The following TENT4B variants were observed in gnomAD, a reference collection of about 807,000 sequenced individuals.
TENT4B encodes the protein PAP associated domain containing 5.
A neutral mutation model predicts 75.0 loss-of-function variants in TENT4B; 10 were observed. The ratio of observed to expected loss-of-function variants is 0.13; its 90% CI spans 0.08 to 0.23. The LOEUF is 0.23. Among genes scored for constraint, TENT4B ranks in the 10% least tolerant of loss-of-function variants. The pLI, the probability that TENT4B is intolerant of heterozygous loss-of-function variation, is 1.00. For synonymous variants in TENT4B, 350 were observed against 357.7 expected (o/e 0.98, Z 0.24); for missense variants, 579 against 893.8 (o/e 0.65, Z 4.49).
At chr16:50,159,196 C>G (rs1022626873) in intron 1 of TENT4B, among the ~76,000 whole-genome samples, 1 of 151,680 alleles carries the variant, frequency 6.6e-6, no homozygotes, top group Non-Finnish European at 1.5e-5. Context: ...ATATCTGCTT[C>G]TCTTTCTCTC....
In TENT4B at chr16:50,226,718, A is replaced by AT. The variant is rs796131144; in HGVS notation, c.1801-1112dup. ...GGCGTGAGCCACCACGCCTGGCCAAATTTTTTTTTAGTTGAGATATAGTTA... is the reference window on the plus strand; with the variant it reads ...GGCGTGAGCCACCACGCCTGGCCAAATTTTTTTTTTAGTTGAGATATAGTTA... On this transcript the variant is annotated intron_variant, in intron 10 of 11. Coordinates refer to ENST00000561678, the MANE Select transcript of TENT4B (RefSeq NM_001365324.3). Among the ~76,000 whole-genome samples the AT allele has an allele frequency of 6.2e-3, 943 of 151,760 alleles. 12 individuals carry two copies. Among genetic ancestry groups the AT allele is most frequent in the African/African-American group, 0.021 (872 of 41,458 alleles).
chr16:50,199,543 G>A (rs1404573269), intron 1 of TENT4B, among the ~76,000 whole-genome samples: 1 of 152,174 alleles, frequency 6.6e-6, no homozygotes, highest in Non-Finnish European at 1.5e-5. Flanking sequence ...CCTCCCCTTA[G>A]CCCCTGGCAA....
At chr16:50,226,552 C>T (rs2032064819) in intron 10 of TENT4B, among the ~76,000 whole-genome samples, 4 of 152,106 alleles carry the variant, frequency 2.6e-5, no homozygotes, top group Admixed American at 2.0e-4. Context: ...CCTCAGCCTC[C>T]CAAGTAGCTG....
intron 10 of TENT4B, among the ~76,000 whole-genome samples, chr16:50,225,961 C>T (rs1170351561): frequency 6.6e-6 from 1 of 151,892 alleles, no homozygotes; most frequent in Non-Finnish European, 1.5e-5. Context: ...GGATTACAGG[C>T]ATGAGCCACC....
intron 5 of TENT4B, among the ~76,000 whole-genome samples, chr16:50,220,246 C>G (rs749909379): frequency 2.0e-4 from 30 of 152,224 alleles, no homozygotes; most frequent in Admixed American, 5.9e-4. Context: ...CCTCAGCCTC[C>G]CGCAGTGCTG....
At chr16:50,210,393 C>T (rs1051152354) in intron 1 of TENT4B, among the ~76,000 whole-genome samples, 2 of 152,208 alleles carry the variant, frequency 1.3e-5, no homozygotes, top group Non-Finnish European at 2.9e-5. Context: ...CTTAGCCCCC[C>T]ACCACCATGA....
At chr16:50,228,830 G>A (rs1241034867) in intron 11 of TENT4B, among the ~76,000 whole-genome samples, 1 of 152,194 alleles carries the variant, frequency 6.6e-6, no homozygotes, top group Non-Finnish European at 1.5e-5. Context: ...ATGCCCAAGA[G>A]CCTCTTCCCG....
At chr16:50,220,913 C>CT (rs935014240) in intron 5 of TENT4B, among the ~76,000 whole-genome samples, 2 of 151,872 alleles carry the variant, frequency 1.3e-5, no homozygotes, top group Admixed American at 1.3e-4. Context: ...AAAGTATAAG[C>CT]TTTTTTTTCT....
At chr16:50,189,949 G>T (rs1281879186) in intron 1 of TENT4B, among the ~76,000 whole-genome samples, 1 of 151,536 alleles carries the variant, frequency 6.6e-6, no homozygotes, top group Non-Finnish European at 1.5e-5. Flanking sequence ...AGTGGTGCAT[G>T]CCTGTAATCC....
intron 1 of TENT4B, among the ~76,000 whole-genome samples, chr16:50,195,586 G>A (rs1189562212): frequency 1.3e-5 from 2 of 152,138 alleles, no homozygotes; most frequent in African/African-American, 4.8e-5. Context: ...GAAAACAAAA[G>A]GAGGCTTTAA....
Position 50,232,419 on chromosome 16 carries a change from C to T in TENT4B, c.*3091C>T, listed in dbSNP as rs1188791517. The T allele has an allele frequency of 7.1e-6, 7 of 985,154 alleles. No homozygotes were observed. In the East Asian group the frequency reaches 7.9e-4, roughly 112 times the overall value. The allele number at this position is 985,154 out of a possible 1,614,324, so 61.0% of individuals were successfully genotyped here. A position where few individuals can be genotyped will look rare whatever the true frequency, so the allele number is the denominator to read the frequency against. On this transcript the variant is annotated 3_prime_UTR_variant, in exon 12 of 12. Coordinates refer to ENST00000561678, the MANE Select transcript of TENT4B (RefSeq NM_001365324.3). ...AATATTTAGGTTATTTGATTTGGCT[C>T]CAGATATTCCTAGATCTGCACAGGG... is the stretch of plus-strand genomic sequence containing the variant.
intron 1 of TENT4B, among the ~76,000 whole-genome samples, chr16:50,201,847 A>G (rs930398257): frequency 4.0e-5 from 6 of 148,710 alleles, no homozygotes; most frequent in African/African-American, 9.8e-5. Context: ...AAAAAAAAAA[A>G]AAGCGGGCTG....
chr16:50,201,505 C>T (rs2030646685), intron 1 of TENT4B, among the ~76,000 whole-genome samples: 1 of 150,784 alleles, frequency 6.6e-6, no homozygotes, highest in Non-Finnish European at 1.5e-5. Context: ...CCACTGCACT[C>T]CAACCTTGGC....
At chr16:50,208,025 A>C (rs1291322666) in intron 1 of TENT4B, among the ~76,000 whole-genome samples, 3 of 152,328 alleles carry the variant, frequency 2.0e-5, no homozygotes, top group Non-Finnish European at 2.9e-5. Flanking sequence ...AGTATTTCAC[A>C]CGTAGCTAGT....
In TENT4B at chr16:50,234,472, C is replaced by A. The variant is rs901841052; in HGVS notation, c.*5144C>A. On this transcript the variant is annotated 3_prime_UTR_variant, in exon 12 of 12. Coordinates refer to ENST00000561678, the MANE Select transcript of TENT4B (RefSeq NM_001365324.3). ...GGAGTTAATATTTTTCTTCATCTTT[C>A]AGTTTGGGTTCTGTGCTATTCATAG... 4.4e-5 allele frequency: 43 copies of A among 985,194 alleles called. No individual in the cohort carries two copies. The highest frequency in any genetic ancestry group is 4.8e-5 in the Non-Finnish European group (40 of 829,864). 61.0% of individuals were successfully genotyped at this position (985,194 alleles called of 1,614,324 possible).
chr16:50,155,212 G>T (rs992778762), intron 1 of TENT4B, among the ~76,000 whole-genome samples: 16 of 151,608 alleles, frequency 1.1e-4, no homozygotes, highest in African/African-American at 3.9e-4. Context: ...AAGAGTCCCT[G>T]TGCTGGAATA....
At chr16:50,154,859 A>T (rs201298894) in intron 1 of TENT4B, among the ~76,000 whole-genome samples, 13 of 152,236 alleles carry the variant, frequency 8.5e-5, no homozygotes, top group East Asian at 1.9e-4. Context: ...TTTTATTTTT[A>T]AAAAATTCCC....
At chr16:50,176,383 C>G (rs2038309577) in intron 1 of TENT4B, among the ~76,000 whole-genome samples, 1 of 151,458 alleles carries the variant, frequency 6.6e-6, no homozygotes, top group South Asian at 2.1e-4. Context: ...CTACGCCCAG[C>G]CTACAATTTA....
At position 50,214,034 on chromosome 16, in the gene TENT4B, C is replaced by T. The variant is rs1471629598; in HGVS notation, c.763-187C>T. Among the ~76,000 whole-genome samples, 6 of 152,138 alleles carry T rather than the reference C, an allele frequency of 3.9e-5. No individual in the cohort carries two copies. In the East Asian group the frequency reaches 5.8e-4, roughly 15 times the overall value. Reference sequence around the variant, plus strand: ...GAACCAGATAAGTTTAAATTATATTCAGAATGTCTGCTTGTGAAACAGAAT... The same window carrying T: ...GAACCAGATAAGTTTAAATTATATTTAGAATGTCTGCTTGTGAAACAGAAT... On this transcript the variant is annotated intron_variant, in intron 2 of 11. Coordinates refer to ENST00000561678, the MANE Select transcript of TENT4B (RefSeq NM_001365324.3).
Sources: gnomAD v4.1 joint callset for allele counts (sites outside exome capture counted in the v4.1 genomes callset) on GRCh38, gnomAD v4.1.1 for gene constraint, MANE v1.5 for transcripts, NCBI Gene and HGNC (gene_info 2026-07-23, HGNC 2026-07-21) for gene names.